The following OTULIN variants were observed in gnomAD, a reference collection of about 807,000 sequenced individuals.
OTULIN encodes OTU deubiquitinase with linear linkage specificity.
Under a neutral mutation model 39.6 loss-of-function variants are expected in OTULIN, and 15 were observed. The ratio of observed to expected loss-of-function variants is 0.38; its 90% CI spans 0.25 to 0.58. The LOEUF (loss-of-function observed/expected upper bound fraction) is 0.58. Ranked by LOEUF, OTULIN falls within the 20% of genes least tolerant of loss-of-function variation. The probability of loss-of-function intolerance (pLI) is 0.66; values close to 1 mark genes in which losing one functional copy is unlikely to be tolerated. For missense variants in OTULIN, 319 were observed against 445.9 expected (o/e 0.72, Z 2.56); for synonymous variants, 156 against 170.3 (o/e 0.92, Z 0.65).
chr5:14,711,144 C>T, the OTULIN span: 1 of 1,427,734 alleles, frequency 7.0e-7, no homozygotes, highest in Non-Finnish European at 9.9e-7. Flanking sequence ...AGAGATGATG[C>T]CGAAGTGTCA....
At chr5:14,712,860 C>T in the OTULIN span, 99 of 1,591,304 alleles carry the variant, frequency 6.2e-5, no homozygotes, top group African/African-American at 5.1e-4. Flanking sequence ...AGGCTCCCGG[C>T]GCGGCTGTCT....
intron 4 of OTULIN, among the ~76,000 whole-genome samples, chr5:14,687,034 T>A (rs1396303372): frequency 6.6e-6 from 1 of 152,222 alleles, no homozygotes; most frequent in Non-Finnish European, 1.5e-5. Context: ...TTTTTCTACC[T>A]TTTTTTGGTG....
chr5:14,684,909 T>G (rs1429063180), intron 4 of OTULIN, among the ~76,000 whole-genome samples: 2 of 152,228 alleles, frequency 1.3e-5, no homozygotes, highest in African/African-American at 4.8e-5. Flanking sequence ...TTTGCCCCTC[T>G]GACAGTTCGG....
intron 6 of OTULIN, 34 bp from the exon 7 acceptor site, chr5:14,692,820 C>T (rs1263047374): frequency 4.4e-6 from 7 of 1,599,134 alleles, no homozygotes; most frequent in East Asian, 2.2e-5. Flanking sequence ...TCAGTGTGAT[C>T]TTCCTCAGAA....
intron 6 of OTULIN, among the ~76,000 whole-genome samples, chr5:14,691,718 A>G (rs539615293): frequency 8.4e-4 from 128 of 152,280 alleles, no homozygotes; most frequent in African/African-American, 3.0e-3. Context: ...CATTTTGTCA[A>G]AAGAAACCTC....
intron 4 of OTULIN, among the ~76,000 whole-genome samples, chr5:14,682,042 C>G (rs541718418): frequency 3.3e-5 from 5 of 152,202 alleles, no homozygotes; most frequent in Non-Finnish European, 7.3e-5. Context: ...AACAGGAACA[C>G]TAGAAGAGAC....
At chr5:14,679,596 A>T (rs1473116997) in intron 3 of OTULIN, among the ~76,000 whole-genome samples, 1 of 152,236 alleles carries the variant, frequency 6.6e-6, no homozygotes, top group African/African-American at 2.4e-5. Flanking sequence ...GTCATATTTA[A>T]TAGAAATATC....
rs533185706 is a variant in OTULIN, at chr5:14,691,981, A to C, written c.865-873A>C. Among the ~76,000 whole-genome samples the C allele has an allele frequency of 2.0e-5, 3 of 152,268 alleles. No individual in the cohort carries two copies. The East Asian group carries it at 5.8e-4, about 29-fold the overall frequency. ...TGTATGGATGGATCACATTTTATTC[A>C]TCTGTTCAATAGTTTGATGGGTATT... On this transcript the variant is annotated intron_variant, in intron 6 of 6. Coordinates refer to ENST00000284274, the MANE Select transcript of OTULIN (RefSeq NM_138348.6).
In OTULIN at chr5:14,690,604, G is replaced by A. The variant is rs1319648326; in HGVS notation, c.864+296G>A. On this transcript the variant is annotated intron_variant, in intron 6 of 6. Coordinates refer to ENST00000284274, the MANE Select transcript of OTULIN (RefSeq NM_138348.6). This position sits in a 1 kb window ranked among gnomAD's most constrained non-coding sequence, Gnocchi z 4.5. ...TTCTTCACACATAGGCCTCCACAGGGCTGCTTGAGTGTCCTTACAACATGG... is the reference window on the plus strand; with the variant it reads ...TTCTTCACACATAGGCCTCCACAGGACTGCTTGAGTGTCCTTACAACATGG... Among the ~76,000 whole-genome samples the A allele has an allele frequency of 2.0e-5, 3 of 152,142 alleles. No individual in the cohort carries two copies. Among genetic ancestry groups the A allele is most frequent in the Non-Finnish European group, 2.9e-5 (2 of 68,018 alleles).
rs1736691357 is a variant in OTULIN at position 14,697,153 on chromosome 5, G to A, written c.*4105G>A. On this transcript the variant is annotated 3_prime_UTR_variant, in exon 7 of 7. Transcript: ENST00000284274. ...CTTGGGACTCAGCAGTATTCTGGGA[G>A]GGTGGAGGTGAACTGTCCCATGTAT... The A allele has an allele frequency of 1.3e-5, 2 of 152,382 alleles. No individual in the cohort carries two copies. The highest frequency in any genetic ancestry group is 4.1e-4 in the South Asian group (2 of 4,826). 9.4% of individuals were successfully genotyped at this position (152,382 alleles called of 1,614,324 possible). A position where few individuals can be genotyped will look rare whatever the true frequency, so the allele number is the denominator to read the frequency against.
In OTULIN at chr5:14,699,200, A is replaced by G. The variant is rs1308044880; in HGVS notation, c.*6152A>G. 1 of 152,274 alleles carries G rather than the reference A, an allele frequency of 6.6e-6. No homozygotes were observed. Among genetic ancestry groups the G allele is most frequent in the Non-Finnish European group, 1.5e-5 (1 of 68,072 alleles). The allele number at this position is 152,274 out of a possible 1,614,324, so 9.4% of individuals were successfully genotyped here. A position where few individuals can be genotyped will look rare whatever the true frequency, so the allele number is the denominator to read the frequency against. On this transcript the variant is annotated 3_prime_UTR_variant, in exon 7 of 7. Transcript: ENST00000284274. ...CACTAATGTGATGGCAAGAACTTCA[A>G]CAAATTGCTTATGAATCAGGCTCTC...
rs180989453 is a variant in OTULIN, at chr5:14,678,802, A to C, written c.324+27A>C. The C allele has an allele frequency of 6.8e-6, 10 of 1,473,756 alleles. No homozygotes were observed. The African/African-American group carries it at 1.4e-4, about 21-fold the overall frequency. The allele number at this position is 1,473,756 out of a possible 1,614,324, so 91.3% of individuals were successfully genotyped here. A position where few individuals can be genotyped will look rare whatever the true frequency, so the allele number is the denominator to read the frequency against. The stretch of plus-strand genomic sequence containing the variant: ...TATGACACAGAGGTGCACATATTTC[A>C]GGTCTTTCAAATAGTCTATCATAAG... On this transcript the variant is annotated intron_variant, in intron 3 of 6. Coordinates refer to ENST00000284274, the MANE Select transcript of OTULIN (RefSeq NM_138348.6).
chr5:14,706,879 CTG>C, the OTULIN span: 1 of 152,212 alleles, frequency 6.6e-6, no homozygotes, highest in African/African-American at 2.4e-5. Context: ...CATCAGAGGA[CTG>C]TGTGTGAGGG....
chr5:14,669,777 C>T (rs776780970), intron 1 of OTULIN, among the ~76,000 whole-genome samples: 6 of 152,106 alleles, frequency 3.9e-5, no homozygotes, highest in South Asian at 2.1e-4. Flanking sequence ...TCTCAAAAAA[C>T]GTATATATAA....
chr5:14,705,306 A>G, the OTULIN span: 1 of 152,198 alleles, frequency 6.6e-6, no homozygotes, highest in Non-Finnish European at 1.5e-5. Context: ...AATCTAGATC[A>G]CTGCTAATGT....
chr5:14,670,197 G>A (rs1377893183), intron 1 of OTULIN, among the ~76,000 whole-genome samples: 1 of 152,116 alleles, frequency 6.6e-6, no homozygotes, highest in East Asian at 1.9e-4. Flanking sequence ...TTTCTTTTGT[G>A]TCAGAGTGGA....
the OTULIN span, chr5:14,711,281 C>T: frequency 1.5e-5 from 25 of 1,614,018 alleles, no homozygotes; most frequent in Middle Eastern, 1.6e-4. Context: ...CTTCCCCCTC[C>T]GTGGCCGACT....
At position 14,687,432 on chromosome 5, in the gene OTULIN, A is replaced by G. The variant is rs1736413698; in HGVS notation, c.469-89A>G. On this transcript the variant is annotated intron_variant, in intron 4 of 6. Coordinates refer to ENST00000284274, the MANE Select transcript of OTULIN (RefSeq NM_138348.6). Reference sequence around the variant, plus strand: ...TTCTGGAAACAAAGTTAGGTTTTATAGACTTTGTGGTTTCTTACAGCTTGG... The same window carrying G: ...TTCTGGAAACAAAGTTAGGTTTTATGGACTTTGTGGTTTCTTACAGCTTGG... The G allele has an allele frequency of 2.1e-6, 3 of 1,439,980 alleles. No individual in the cohort carries two copies. The East Asian group carries it at 7.2e-5, about 34-fold the overall frequency. The allele number at this position is 1,439,980 out of a possible 1,614,324, so 89.2% of individuals were successfully genotyped here.
At chr5:14,669,116 C>A (rs1038035703) in intron 1 of OTULIN, among the ~76,000 whole-genome samples, 2 of 152,148 alleles carry the variant, frequency 1.3e-5, no homozygotes, top group African/African-American at 4.8e-5. Flanking sequence ...GTAATCCCAG[C>A]ACTTTTGGAG....
Sources: gnomAD v4.1 joint callset for allele counts (sites outside exome capture counted in the v4.1 genomes callset) on GRCh38, gnomAD v4.1.1 for gene constraint, Gnocchi (gnomAD v3.1) non-coding constraint, MANE v1.5 for transcripts, NCBI Gene and HGNC (gene_info 2026-07-23, HGNC 2026-07-21) for gene names.